The following TMEM132D variants were observed in gnomAD, a reference collection of about 807,000 sequenced individuals.
TMEM132D encodes the protein mature OL transmembrane protein.
TMEM132D carries 21 observed loss-of-function variants against 62.3 expected under a neutral mutation model. That is an observed-to-expected ratio of 0.34 (90% CI 0.24 to 0.49). The LOEUF (loss-of-function observed/expected upper bound fraction) is 0.49. TMEM132D is among the 20% of genes least tolerant of loss of function. The pLI, the probability that TMEM132D is intolerant of heterozygous loss-of-function variation, is 0.99. For synonymous variants in TMEM132D, 621 were observed against 575.6 expected, an observed-to-expected ratio of 1.08 and a Z score of -1.13; for missense variants, 1,346 against 1,402.8, an observed-to-expected ratio of 0.96 and a Z score of 0.65.
Position 129,088,188 on chromosome 12 carries a change from G to A in TMEM132D, c.1444-3486C>T, listed in dbSNP as rs1313105791. Among the ~76,000 whole-genome samples the A allele has an allele frequency of 4.9e-5, 2 of 41,140 alleles. 1 individual carries two copies. Among genetic ancestry groups the A allele is most frequent in the African/African-American group, 2.2e-4 (2 of 9,082 alleles). 27.0% of individuals were successfully genotyped at this position (41,140 alleles called of 152,430 possible). A position where few individuals can be genotyped will look rare whatever the true frequency, so the allele number is the denominator to read the frequency against. On this transcript the variant is annotated intron_variant, in intron 5 of 8. Coordinates refer to ENST00000422113, the MANE Select transcript of TMEM132D (RefSeq NM_133448.3). The stretch of plus-strand genomic sequence containing the variant: ...CCCTGACCGGGTGTCCTCCCTGACC[G>A]GGGTGTCCTCCATGACCGGGTGTCC...
At chr12:129,712,877 G>A (rs1264020889) in intron 1 of TMEM132D, among the ~76,000 whole-genome samples, 1 of 152,094 alleles carries the variant, frequency 6.6e-6, no homozygotes, top group East Asian at 1.9e-4. Flanking sequence ...TGAGGAGGGA[G>A]GCTTATGTTG....
intron 5 of TMEM132D, among the ~76,000 whole-genome samples, chr12:129,129,972 C>T (rs553664280): frequency 1.7e-4 from 26 of 150,764 alleles, no homozygotes; most frequent in Non-Finnish European, 3.7e-4. Context: ...TTATTTTCCA[C>T]GATAAAGTAC....
intron 3 of TMEM132D, among the ~76,000 whole-genome samples, chr12:129,471,513 G>A (rs541744351): frequency 2.1e-4 from 32 of 151,972 alleles, no homozygotes; most frequent in African/African-American, 6.3e-4. Flanking sequence ...CCCTCTCCTC[G>A]GGCCTTCCTA....
At chr12:129,644,410 C>T (rs1370234687) in intron 2 of TMEM132D, among the ~76,000 whole-genome samples, 1 of 152,120 alleles carries the variant, frequency 6.6e-6, no homozygotes, top group African/African-American at 2.4e-5. Context: ...TCACTGTGGC[C>T]ATAATTGTTT....
intron 4 of TMEM132D, among the ~76,000 whole-genome samples, chr12:129,249,520 G>C (rs1880210618): frequency 6.6e-6 from 1 of 152,174 alleles, no homozygotes; most frequent in Non-Finnish European, 1.5e-5. Flanking sequence ...TGACAGTTGT[G>C]TTGTCCAGGT....
intron 1 of TMEM132D, among the ~76,000 whole-genome samples, chr12:129,821,557 C>G (rs1161399811): frequency 6.6e-6 from 1 of 152,180 alleles, no homozygotes; most frequent in African/African-American, 2.4e-5. Context: ...ACAGGGAAAG[C>G]TGGACTACAG....
intron 4 of TMEM132D, among the ~76,000 whole-genome samples, chr12:129,246,449 T>G (rs1169135029): frequency 6.6e-6 from 1 of 152,028 alleles, no homozygotes; most frequent in Non-Finnish European, 1.5e-5. Context: ...ACTCAACAGG[T>G]CACAGATGAA....
intron 3 of TMEM132D, among the ~76,000 whole-genome samples, chr12:129,501,377 A>G (rs1875135163): frequency 6.6e-6 from 1 of 152,234 alleles, no homozygotes; most frequent in East Asian, 1.9e-4. Context: ...TTTGAAAAAA[A>G]AAATCTGATT....
Position 129,261,858 on chromosome 12 carries a change from C to T in TMEM132D, c.1300-52195G>A, listed in dbSNP as rs114304494. ...AAGTCCCTATGTCCAAATACAGTCA[C>T]GTTCTGAAGTCCTGAAGGGTAGTAT... is the stretch of plus-strand genomic sequence containing the variant. On this transcript the variant is annotated intron_variant, in intron 4 of 8. Transcript: ENST00000422113. Among the ~76,000 whole-genome samples, 1,231 of 152,214 alleles carry T rather than the reference C, an allele frequency of 8.1e-3. 19 individuals carry two copies. Among genetic ancestry groups the T allele is most frequent in the African/African-American group, 0.028 (1,163 of 41,526 alleles).
At chr12:129,776,389 TA>T (rs1349896831) in intron 1 of TMEM132D, among the ~76,000 whole-genome samples, 1 of 152,150 alleles carries the variant, frequency 6.6e-6, no homozygotes, top group Non-Finnish European at 1.5e-5. Flanking sequence ...TTTTGGAAGT[TA>T]AAACAGAAAA....
At chr12:129,354,580 C>A (rs1869977932) in intron 3 of TMEM132D, among the ~76,000 whole-genome samples, 1 of 152,134 alleles carries the variant, frequency 6.6e-6, no homozygotes, top group Admixed American at 6.5e-5. Context: ...CCTCAGCCTC[C>A]CAAAGTGCTG....
chr12:129,332,388 A>T (rs928315080), intron 4 of TMEM132D, among the ~76,000 whole-genome samples: 2 of 152,160 alleles, frequency 1.3e-5, no homozygotes, highest in African/African-American at 4.8e-5. Context: ...TTAAAAAAAA[A>T]TTGTTTCTAA....
At chr12:129,615,641 G>A (rs916705364) in intron 2 of TMEM132D, among the ~76,000 whole-genome samples, 1 of 150,458 alleles carries the variant, frequency 6.6e-6, no homozygotes, top group Non-Finnish European at 1.5e-5. Context: ...GTGTGGTGGT[G>A]TATGCCTGTT....
At chr12:129,556,153 T>G (rs1237250614) in intron 2 of TMEM132D, among the ~76,000 whole-genome samples, 3 of 152,170 alleles carry the variant, frequency 2.0e-5, no homozygotes, top group African/African-American at 7.2e-5. Flanking sequence ...GTTGCTTAAG[T>G]CAGTCCCGAG....
chr12:129,165,264 T>C (rs896431526), intron 5 of TMEM132D, among the ~76,000 whole-genome samples: 1 of 152,196 alleles, frequency 6.6e-6, no homozygotes, highest in African/African-American at 2.4e-5. Flanking sequence ...GTGGTAGTGA[T>C]GTACATCTGG....
chr12:129,400,209 G>A (rs1331232518), intron 3 of TMEM132D, among the ~76,000 whole-genome samples: 1 of 151,950 alleles, frequency 6.6e-6, no homozygotes, highest in Admixed American at 6.6e-5. Flanking sequence ...AGAGGGTGAG[G>A]TGGGAAGAAA....
intron 3 of TMEM132D, among the ~76,000 whole-genome samples, chr12:129,344,209 CCT>C (rs1229626806): frequency 6.6e-6 from 1 of 152,098 alleles, no homozygotes; most frequent in Non-Finnish European, 1.5e-5. Context: ...ATCCAAGAAA[CCT>C]CTCTTGGGGT....
chr12:129,623,104 T>G (rs1593093496), intron 2 of TMEM132D, among the ~76,000 whole-genome samples: 1 of 152,236 alleles, frequency 6.6e-6, no homozygotes, highest in African/African-American at 2.4e-5. Flanking sequence ...AGGATAGCAT[T>G]GGATTCATGG....
At chr12:129,485,181 G>A (rs749773042) in intron 3 of TMEM132D, among the ~76,000 whole-genome samples, 14 of 152,166 alleles carry the variant, frequency 9.2e-5, no homozygotes, top group Non-Finnish European at 1.8e-4. Context: ...TCACTGCAGG[G>A]TGCCAGGCTC....
Sources: gnomAD v4.1 joint callset for allele counts (sites outside exome capture counted in the v4.1 genomes callset) on GRCh38, gnomAD v4.1.1 for gene constraint, MANE v1.5 for transcripts, NCBI Gene and HGNC (gene_info 2026-07-23, HGNC 2026-07-21) for gene names.